DRC4: variants seen among roughly 807,000 people sequenced by gnomAD.
The protein encoded by DRC4 is GAS-11.
chr16:90,025,712 C>T, the DRC4 span, among the ~76,000 whole-genome samples: 2 of 146,504 alleles, frequency 1.4e-5, no homozygotes, highest in Middle Eastern at 3.4e-3. Flanking sequence ...GGTGAAACCT[C>T]GTCTCTACTA....
At chr16:90,036,889 G>T in the DRC4 span, 1 of 576,678 alleles carries the variant, frequency 1.7e-6, no homozygotes, top group Non-Finnish European at 3.1e-6. Context: ...GATGTGGCTG[G>T]AGTGGATAGG....
At chr16:90,030,674 T>A in the DRC4 span, among the ~76,000 whole-genome samples, 1 of 152,124 alleles carries the variant, frequency 6.6e-6, no homozygotes, top group African/African-American at 2.4e-5. Flanking sequence ...TGGAGTGTAG[T>A]GGCATGATCA....
the DRC4 span, chr16:90,040,256 C>T: frequency 1.0e-5 from 16 of 1,533,794 alleles, no homozygotes; most frequent in Non-Finnish European, 1.4e-5. Context: ...GAGATGTCCC[C>T]AGGTGAGGGG....
At chr16:90,028,415 C>T in the DRC4 span, among the ~76,000 whole-genome samples, 19 of 151,966 alleles carry the variant, frequency 1.3e-4, no homozygotes, top group African/African-American at 4.1e-4. Context: ...GTCTCGATCT[C>T]CTGACCTCGT....
chr16:90,043,529 A>G, the DRC4 span: 1 of 641,344 alleles, frequency 1.6e-6, no homozygotes, highest in South Asian at 1.9e-5. Flanking sequence ...ACCCTCACCC[A>G]TGGTGTCCCT....
At chr16:90,028,918 A>C in the DRC4 span, 1 of 1,290,060 alleles carries the variant, frequency 7.8e-7, no homozygotes, top group Non-Finnish European at 1.0e-6. Flanking sequence ...AATGGTAAAG[A>C]ATGGCTTTAT....
At chr16:90,031,658 C>T in the DRC4 span, among the ~76,000 whole-genome samples, 1 of 152,112 alleles carries the variant, frequency 6.6e-6, no homozygotes, top group Admixed American at 6.6e-5. Context: ...CCTGCAGGTC[C>T]TGAGGGTTTA....
At chr16:90,042,598 A>G in the DRC4 span, 3 of 1,433,596 alleles carry the variant, frequency 2.1e-6, no homozygotes, top group South Asian at 1.1e-5. Context: ...TTCTAAATGC[A>G]GACGGTCTCT....
chr16:90,043,218 C>A, the DRC4 span: 8 of 1,613,332 alleles, frequency 5.0e-6, no homozygotes, highest in Middle Eastern at 1.7e-4. Context: ...CTGCTGCGCA[C>A]GTATGAGGCA....
chr16:90,032,507 A>C, the DRC4 span, among the ~76,000 whole-genome samples: 9 of 134,616 alleles, frequency 6.7e-5, no homozygotes, highest in Admixed American at 6.3e-4. Flanking sequence ...ACAGGTGAGG[A>C]GGTGTGGTGC....
chr16:90,025,215 C>A, the DRC4 span, among the ~76,000 whole-genome samples: 11 of 149,300 alleles, frequency 7.4e-5, no homozygotes, highest in African/African-American at 2.7e-4. Context: ...GACAGGGTTT[C>A]ACCATGTTGG....
the DRC4 span, chr16:90,042,793 C>T: frequency 1.9e-6 from 1 of 534,166 alleles, no homozygotes; most frequent in African/African-American, 1.9e-5. Context: ...CCCTGGTCAG[C>T]CCCTTCCCCT....
At chr16:90,019,638 C>T in the DRC4 span, 1 of 424,352 alleles carries the variant, frequency 2.4e-6, no homozygotes, top group South Asian at 6.0e-5. This position sits in a 1 kb window ranked among gnomAD's most constrained non-coding sequence, Gnocchi z 6.1. Context: ...CGACCCTTCC[C>T]TCGCGGGCCG....
the DRC4 span, among the ~76,000 whole-genome samples, chr16:90,041,519 G>A: frequency 1.3e-5 from 2 of 151,966 alleles, no homozygotes; most frequent in Non-Finnish European, 2.9e-5. Flanking sequence ...ACAAAAAAGT[G>A]GGATAGCCGG....
At chr16:90,035,736 C>G in the DRC4 span, 3 of 1,614,102 alleles carry the variant, frequency 1.9e-6, no homozygotes, top group East Asian at 4.5e-5. Flanking sequence ...CACCCCCGCC[C>G]CATCAGAGAG....
the DRC4 span, chr16:90,019,933 C>A: frequency 2.6e-6 from 1 of 383,466 alleles, no homozygotes; most frequent in East Asian, 5.8e-5. This position sits in a 1 kb window ranked among gnomAD's most constrained non-coding sequence, Gnocchi z 6.1. Context: ...GCTTGGGAGG[C>A]TGGAAGGGGC....
At chr16:90,034,346 G>A in the DRC4 span, among the ~76,000 whole-genome samples, 1,635 of 152,300 alleles carry the variant, frequency 0.011, 6 homozygotes, top group African/African-American at 0.018. Context: ...GCTTTAGGCC[G>A]GGTGCGGTGG....
At chr16:90,028,990 C>G in the DRC4 span, 3 of 1,305,154 alleles carry the variant, frequency 2.3e-6, no homozygotes, top group Non-Finnish European at 3.0e-6. Flanking sequence ...GTGATGGGGT[C>G]AGGTTTGTGT....
At chr16:90,028,869 T>G in the DRC4 span, 1 of 1,093,672 alleles carries the variant, frequency 9.1e-7, no homozygotes, top group Non-Finnish European at 1.2e-6. Context: ...TGAAAGAGTC[T>G]CATGACCTGA....
Sources: allele counts gnomAD v4.1 joint callset (sites outside exome capture counted in the v4.1 genomes callset), GRCh38; gene constraint gnomAD v4.1.1; non-coding constraint Gnocchi (gnomAD v3.1); transcripts MANE v1.5; gene names NCBI Gene and HGNC (gene_info 2026-07-23, HGNC 2026-07-21).